FBXO33: variants seen among roughly 807,000 people sequenced by gnomAD.
FBXO33 encodes F-box only protein 33.
FBXO33 carries 22 observed loss-of-function variants against 46.3 expected under a neutral mutation model. The ratio of observed to expected loss-of-function variants is 0.48; its 90% CI spans 0.34 to 0.68. FBXO33 has a LOEUF of 0.68. FBXO33 is among the 30% of genes least tolerant of loss of function. FBXO33 has a pLI of 0.01. For synonymous variants in FBXO33, 337 were observed against 291.3 expected (o/e 1.16, Z -1.60); for missense variants, 692 against 708.8 (o/e 0.98, Z 0.27).
chr14:39,406,610 A>AAC (rs1233226857), intron 1 of FBXO33, among the ~76,000 whole-genome samples: 1 of 152,194 alleles, frequency 6.6e-6, no homozygotes, highest in Non-Finnish European at 1.5e-5. Context: ...CGAGGAGACA[A>AAC]GAGATTTTGG....
chr14:39,401,589 T>C lies in FBXO33; in HGVS notation c.983A>G (p.Asp328Gly), dbSNP rs1595981395. The stretch of plus-strand genomic sequence containing the variant: ...TCGTTGCAAAGGCACATGGTTGCTA[T>C]CAGTTAAGACTCTTGCCATCTCAGC... ...FTAEMARVLT[D>G]SNHVPLQRLS... Residue 328 changes from aspartate (D) to glycine (G), a missense_variant, in exon 3 of 4, where the codon GAT (aspartate) becomes GGT (glycine). Asp to Gly is a moderately conservative substitution (Grantham distance 94, BLOSUM62 -1). This residue lies in a region of FBXO33 where 186 missense variants were observed against 246.1 expected (regional missense o/e 0.76). Transcript: ENST00000298097. 6.2e-7 allele frequency: 1 copy of C among 1,614,198 alleles called. No homozygotes were observed. The highest frequency in any genetic ancestry group is 1.3e-5 in the African/African-American group (1 of 75,046).
At chr14:39,403,456 C>T (rs536680652) in intron 1 of FBXO33, among the ~76,000 whole-genome samples, 26 of 152,088 alleles carry the variant, frequency 1.7e-4, no homozygotes, top group Non-Finnish European at 3.4e-4. Flanking sequence ...ATTGGCTGGG[C>T]GTGGTGGTAC....
chr14:39,404,792 CGTAGAG>C (rs2075385700), intron 1 of FBXO33, among the ~76,000 whole-genome samples: 1 of 151,976 alleles, frequency 6.6e-6, no homozygotes, highest in Admixed American at 6.6e-5. Context: ...GAAATGATGA[CGTAGAG>C]GTAGACAGGG....
At position 39,399,406 on chromosome 14, in the gene FBXO33, C is replaced by T. The variant is rs1733815096; in HGVS notation, c.*110G>A. On this transcript the variant is annotated 3_prime_UTR_variant, in exon 4 of 4. Transcript: ENST00000298097. ...AATATACATATATAATTCTATAAAGCTAATACTGATTAAACACAGCACAAA... is the reference window on the plus strand; with the variant it reads ...AATATACATATATAATTCTATAAAGTTAATACTGATTAAACACAGCACAAA... 3 of 959,338 alleles carry T rather than the reference C, an allele frequency of 3.1e-6. No individual in the cohort carries two copies. The highest frequency in any genetic ancestry group is 3.7e-5 in the South Asian group (2 of 54,716). 59.4% of individuals were successfully genotyped at this position (959,338 alleles called of 1,614,324 possible). A position where few individuals can be genotyped will look rare whatever the true frequency, so the allele number is the denominator to read the frequency against.
Position 39,398,465 on chromosome 14 carries a change from CTTTTTTTTTTT to C in FBXO33, c.*1040_*1050del, listed in dbSNP as rs57604339. On this transcript the variant is annotated 3_prime_UTR_variant, in exon 4 of 4. Transcript: ENST00000298097. ...TGAAACAGGTGCATGTTTTTTTTTT[CTTTTTTTTTTT>C]TTTTTGTTTTGTTTTTTCAGAGTTC... The C allele has an allele frequency of 7.9e-6, 1 of 125,886 alleles. No individual in the cohort carries two copies. The highest frequency in any genetic ancestry group is 1.7e-5 in the Non-Finnish European group (1 of 58,824). 7.8% of individuals were successfully genotyped at this position (125,886 alleles called of 1,614,324 possible).
intron 1 of FBXO33, among the ~76,000 whole-genome samples, chr14:39,427,924 A>C (rs1207116639): frequency 6.6e-6 from 1 of 152,194 alleles, no homozygotes. Context: ...ATCCTGAGTC[A>C]CAGAGCAAGA....
At chr14:39,423,974 C>T (rs2075498121) in intron 1 of FBXO33, among the ~76,000 whole-genome samples, 1 of 152,138 alleles carries the variant, frequency 6.6e-6, no homozygotes. Context: ...GTCTTGTATT[C>T]CCCAGTGTCT....
chr14:39,420,963 G>C (rs1448340390), intron 1 of FBXO33, among the ~76,000 whole-genome samples: 1 of 152,104 alleles, frequency 6.6e-6, no homozygotes. Context: ...GTTAATATAG[G>C]AAAGCTGGTT....
intron 1 of FBXO33, among the ~76,000 whole-genome samples, chr14:39,421,698 GGTGATAAATGA>G (rs1168402760): frequency 6.6e-6 from 1 of 151,846 alleles, no homozygotes; most frequent in African/African-American, 2.4e-5. Flanking sequence ...ACAAGTGCTT[GGTGATAAATGA>G]GTTAAACAAC....
At chr14:39,411,635 G>A (rs2075423626) in intron 1 of FBXO33, among the ~76,000 whole-genome samples, 1 of 151,486 alleles carries the variant, frequency 6.6e-6, no homozygotes, top group African/African-American at 2.4e-5. Flanking sequence ...CGATTCTCCT[G>A]CCTCAGCCTC....
At chr14:39,421,744 T>C (rs1305137918) in intron 1 of FBXO33, among the ~76,000 whole-genome samples, 2 of 150,436 alleles carry the variant, frequency 1.3e-5, no homozygotes, top group African/African-American at 4.9e-5. Context: ...TTTCACATAA[T>C]AAACTGTATC....
intron 1 of FBXO33, among the ~76,000 whole-genome samples, chr14:39,420,588 G>A (rs1336929089): frequency 6.6e-6 from 1 of 152,136 alleles, no homozygotes; most frequent in East Asian, 1.9e-4. Flanking sequence ...CCACTTGGGA[G>A]GCTGAGGCAG....
In FBXO33 at chr14:39,401,369, G is replaced by A; in HGVS notation, c.1203C>T (p.Ser401=). ...SIPLERIHFD[S]YITCVSGAIV... is the part of the protein sequence containing the mutation. ...TAGCCCCTGAAACACAAGTGATATA[G>A]CTATCAAAATGAATCCTCTCTAGTG... The change falls in exon 3 of 4, where the codon AGC becomes AGT. Residue 401 remains serine, a synonymous_variant. Transcript: ENST00000298097. 6.2e-7 allele frequency: 1 copy of A among 1,614,110 alleles called. No individual in the cohort carries two copies. Among genetic ancestry groups the A allele is most frequent in the Non-Finnish European group, 8.5e-7 (1 of 1,180,004 alleles).
At chr14:39,400,051 C>T (rs1254552038) in intron 3 of FBXO33, among the ~76,000 whole-genome samples, 2 of 152,106 alleles carry the variant, frequency 1.3e-5, no homozygotes, top group Non-Finnish European at 2.9e-5. Flanking sequence ...CTTTATGACA[C>T]TACTTCATTC....
rs1183640317 is a variant in FBXO33 at position 39,401,675 on chromosome 14, T to A, written c.897A>T (p.Ala299=). Residue 299 remains alanine (A), a synonymous_variant, in exon 3 of 4, where the codon GCA becomes GCT. Coordinates refer to ENST00000298097, the MANE Select transcript of FBXO33 (RefSeq NM_203301.4). ...GATTCACAAATCGCTCCAGTTCAAC[T>A]GCAGTAATAAGAGTGCTGTTACCAG... ...NIPGNSTLIT[A]VELERFVNLH... 1.2e-6 allele frequency: 2 copies of A among 1,614,108 alleles called. No individual in the cohort carries two copies. Among genetic ancestry groups the A allele is most frequent in the African/African-American group, 2.7e-5 (2 of 74,948 alleles).
chr14:39,425,421 T>C (rs1567079008), intron 1 of FBXO33, among the ~76,000 whole-genome samples: 1 of 152,230 alleles, frequency 6.6e-6, no homozygotes, highest in Non-Finnish European at 1.5e-5. Context: ...TATGGAAACA[T>C]AAAAGAACAT....
At position 39,431,503 on chromosome 14, in the gene FBXO33, G is replaced by A. The variant is rs1395353955; in HGVS notation, c.599+61C>T. 5 of 1,599,016 alleles carry A rather than the reference G, an allele frequency of 3.1e-6. No homozygotes were observed. The African/African-American group carries it at 4.0e-5, about 13-fold the overall frequency. On this transcript the variant is annotated intron_variant, in intron 1 of 3. Coordinates refer to ENST00000298097, the MANE Select transcript of FBXO33 (RefSeq NM_203301.4). The stretch of plus-strand genomic sequence containing the variant: ...ACGTATTATGCACAGAATCTGTGTC[G>A]GGGTGCGGGGACGGAGCGACCCCCC...
chr14:39,431,948 G>C lies in FBXO33; in HGVS notation c.215C>G (p.Pro72Arg). The C allele has an allele frequency of 6.5e-7, 1 of 1,531,138 alleles. No individual in the cohort carries two copies. The highest frequency in any genetic ancestry group is 1.4e-5 in the African/African-American group (1 of 72,938). The allele number at this position is 1,531,138 out of a possible 1,614,324, so 94.8% of individuals were successfully genotyped here. ...GAAGATGTGCACGATCAGCTCGCTG[G>C]GCAGCGACGCAGCGCCCGCCGCCTG... is the stretch of plus-strand genomic sequence containing the variant. ...CGQAAGAASL[P>R]SELIVHIFSF... Residue 72 changes from proline to arginine, a missense_variant, in exon 1 of 4, where the codon CCC (proline) becomes CGC (arginine). This residue lies in a region of FBXO33 where 412 missense variants were observed against 370.8 expected (regional missense o/e 1.11). Coordinates refer to ENST00000298097, the MANE Select transcript of FBXO33 (RefSeq NM_203301.4).
At chr14:39,423,514 A>C (rs375329588) in intron 1 of FBXO33, among the ~76,000 whole-genome samples, 1 of 152,162 alleles carries the variant, frequency 6.6e-6, no homozygotes, top group African/African-American at 2.4e-5. Flanking sequence ...TAAATACAAA[A>C]ACTGGAAAAA....
Sources: gnomAD v4.1 joint callset for allele counts (sites outside exome capture counted in the v4.1 genomes callset) on GRCh38, gnomAD v4.1.1 for gene constraint, gnomAD v4.1.1 regional missense constraint, MANE v1.5 for transcripts, NCBI Gene and HGNC (gene_info 2026-07-23, HGNC 2026-07-21) for gene names.